The following TPR variants were observed in gnomAD, a reference collection of about 807,000 sequenced individuals.
TPR encodes the protein nucleoprotein TPR.
A neutral mutation model predicts 316.1 loss-of-function variants in TPR; 51 were observed. The ratio of observed to expected loss-of-function variants is 0.16; its 90% CI spans 0.13 to 0.20. The LOEUF (loss-of-function observed/expected upper bound fraction) is 0.20. Ranked by LOEUF, TPR falls within the 10% of genes least tolerant of loss-of-function variation. The pLI, the probability that TPR is intolerant of heterozygous loss-of-function variation, is 1.00. For synonymous variants in TPR, 981 were observed against 914.7 expected, an observed-to-expected ratio of 1.07 and a Z score of -1.31; for missense variants, 2,272 against 2,754.8, an observed-to-expected ratio of 0.82 and a Z score of 3.92.
Position 186,340,955 on chromosome 1 carries a change from T to C in TPR, c.4020+73A>G, listed in dbSNP as rs936553945. The stretch of plus-strand genomic sequence containing the variant: ...ATTTTCACTAGTTCCTCAAATATTT[T>C]TATTCCCCTAAGTTTCCCCTATTAT... On this transcript the variant is annotated intron_variant, in intron 29 of 50. Transcript: ENST00000367478. The C allele has an allele frequency of 8.5e-5, 131 of 1,542,386 alleles. No individual in the cohort carries two copies. In the African/African-American group the frequency reaches 1.6e-3, roughly 19 times the overall value.
rs866336334 is a variant in TPR at position 186,327,236 on chromosome 1, T to A, written c.5889+224A>T. The stretch of plus-strand genomic sequence containing the variant: ...ATATATATAAATATATAATATATAT[T>A]TATATATATAATATATATAAATATA... On this transcript the variant is annotated intron_variant, in intron 40 of 50. Coordinates refer to ENST00000367478, the MANE Select transcript of TPR (RefSeq NM_003292.3). 5.8e-4 allele frequency among the ~76,000 whole-genome samples: 3 copies of A among 5,214 alleles called. 1 individual carries two copies. Among genetic ancestry groups the A allele is most frequent in the African/African-American group, 1.1e-3 (1 of 944 alleles). 3.4% of individuals were successfully genotyped at this position (5,214 alleles called of 152,430 possible). A position where few individuals can be genotyped will look rare whatever the true frequency, so the allele number is the denominator to read the frequency against.
At position 186,312,727 on chromosome 1, in the gene TPR, G is replaced by A. The variant is rs1249973325; in HGVS notation, c.*1244C>T. ...CTGGCTCTTTCCAAGATAGTACATT[G>A]CCTTTTAATCTGGTATCTTTTATTA... On this transcript the variant is annotated 3_prime_UTR_variant, in exon 51 of 51. Transcript: ENST00000367478. 5 of 1,598,782 alleles carry A rather than the reference G, an allele frequency of 3.1e-6. No homozygotes were observed. The East Asian group carries it at 6.7e-5, about 21-fold the overall frequency.
chr1:186,316,713 T>C (rs1039558537), intron 49 of TPR, among the ~76,000 whole-genome samples: 1 of 152,172 alleles, frequency 6.6e-6, no homozygotes, highest in African/African-American at 2.4e-5. Context: ...TATTAGCTAT[T>C]TGACTTTGAA....
At chr1:186,323,948 T>C (rs1657842656) in intron 42 of TPR, 78 bp from the exon 43 acceptor site, 6 of 1,394,726 alleles carry the variant, frequency 4.3e-6, no homozygotes, top group Non-Finnish European at 4.8e-6. Context: ...GAAGTATAAA[T>C]CTTGCCAACA....
chr1:186,361,173 C>A (rs757829880), intron 9 of TPR, among the ~76,000 whole-genome samples: 3 of 151,674 alleles, frequency 2.0e-5, no homozygotes, highest in Non-Finnish European at 4.4e-5. Context: ...TCTTTGATTT[C>A]GATTTTGATC....
chr1:186,327,673 A>T lies in TPR; in HGVS notation c.5689-13T>A, dbSNP rs753605759. 3.7e-6 allele frequency: 6 copies of T among 1,608,724 alleles called. No individual in the cohort carries two copies. In the East Asian group the frequency reaches 1.3e-4, roughly 36 times the overall value. ...CCTGGGTAACTCCCTTTAAAAATAAAAAAGTTAAAAAAGAATTAAGAGCCC... is the reference window on the plus strand; with the variant it reads ...CCTGGGTAACTCCCTTTAAAAATAATAAAGTTAAAAAAGAATTAAGAGCCC... On this transcript the variant is annotated splice_polypyrimidine_tract_variant and intron_variant, in intron 39 of 50. Transcript: ENST00000367478.
At position 186,341,286 on chromosome 1, in the gene TPR, C is replaced by A; in HGVS notation, c.3854G>T (p.Arg1285Ile). The part of the protein sequence containing the change: ...TNKMLREEKE[R>I]LEQDLQQMQA... ...CATTTGCTGTAGATCCTGTTCTAGT[C>A]TCTCCTTCTCTTCTCTTAGCATTTT... The change falls in exon 28 of 51, where the codon AGA (arginine) becomes ATA (isoleucine). Residue 1285 changes from arginine to isoleucine, a missense_variant. By Grantham distance (97) the Arg-to-Ile change is moderately conservative. This residue lies in a region of TPR where 757 missense variants were observed against 859.8 expected (regional missense o/e 0.88). Coordinates refer to ENST00000367478, the MANE Select transcript of TPR (RefSeq NM_003292.3). The A allele has an allele frequency of 6.2e-7, 1 of 1,613,780 alleles. No individual in the cohort carries two copies. The highest frequency in any genetic ancestry group is 1.3e-5 in the African/African-American group (1 of 75,036).
Position 186,318,567 on chromosome 1 carries a change from G to A in TPR, c.6701C>T (p.Ser2234Leu), listed in dbSNP as rs538723917. Reference sequence around the variant, plus strand: ...TGGAACAGATTGAGAGGCATGTTCCGAAGCATCAGAGGTGGTGCTCTCAGT... The same window carrying A: ...TGGAACAGATTGAGAGGCATGTTCCAAAGCATCAGAGGTGGTGCTCTCAGT... ...VFTESTTSDA[S>L]EHASQSVPMV... The change falls in exon 48 of 51, where the codon TCG (serine) becomes TTG (leucine). Residue 2234 changes from serine (S) to leucine (L), a missense_variant. Around this residue, in one of 10 missense-constraint regions of TPR, gnomAD observed 88 missense variants for 176.2 expected, o/e 0.50. Coordinates refer to ENST00000367478, the MANE Select transcript of TPR (RefSeq NM_003292.3). 1.6e-5 allele frequency: 26 copies of A among 1,613,744 alleles called. No individual in the cohort carries two copies. The African/African-American group carries it at 2.1e-4, about 13-fold the overall frequency.
chr1:186,323,994 G>A, intron 42 of TPR, 124 bp from the exon 43 acceptor site: 1 of 980,916 alleles, frequency 1.0e-6, no homozygotes, highest in Non-Finnish European at 1.4e-6. Flanking sequence ...CAGAAGTAAA[G>A]TAGTGAGGTG....
chr1:186,373,609 G>T (rs1448761903), intron 1 of TPR, 146 bp from the exon 2 acceptor site: 2 of 486,804 alleles, frequency 4.1e-6, no homozygotes, highest in East Asian at 6.1e-5. Flanking sequence ...TCTGAGTAAA[G>T]ATAAATAGAC....
chr1:186,339,200 T>C (rs538405658), intron 30 of TPR, among the ~76,000 whole-genome samples: 1 of 152,034 alleles, frequency 6.6e-6, no homozygotes, highest in South Asian at 2.1e-4. Context: ...GAGGCAGAAG[T>C]GGGAGGACAG....
chr1:186,326,686 T>C (rs1657943698), intron 40 of TPR, among the ~76,000 whole-genome samples: 1 of 151,244 alleles, frequency 6.6e-6, no homozygotes, highest in Non-Finnish European at 1.5e-5. Flanking sequence ...ACTTTATATA[T>C]AAAAAAATGA....
chr1:186,352,503 A>C (rs539648281), intron 18 of TPR, among the ~76,000 whole-genome samples: 2 of 152,330 alleles, frequency 1.3e-5, no homozygotes, highest in Non-Finnish European at 2.9e-5. Flanking sequence ...CCTGTTTAAA[A>C]GTGATGATTG....
chr1:186,359,345 G>C (rs1412714539), intron 12 of TPR, among the ~76,000 whole-genome samples: 1 of 151,988 alleles, frequency 6.6e-6, no homozygotes, highest in African/African-American at 2.4e-5. Context: ...AATGCATATA[G>C]AGACACGCCA....
At chr1:186,325,936 A>G in intron 41 of TPR, 82 bp from the exon 42 acceptor site, 1 of 1,564,082 alleles carries the variant, frequency 6.4e-7, no homozygotes, top group Non-Finnish European at 8.7e-7. Context: ...ACCAAACCAA[A>G]CCACAACAAA....
intron 46 of TPR, 141 bp from the exon 47 acceptor site, chr1:186,318,969 A>G: frequency 1.3e-6 from 1 of 797,758 alleles, no homozygotes; most frequent in Non-Finnish European, 1.9e-6. Flanking sequence ...CATCAAGCAA[A>G]AATCCATCTC....
chr1:186,330,033 T>A (rs1473979769), intron 39 of TPR, among the ~76,000 whole-genome samples: 2 of 152,092 alleles, frequency 1.3e-5, no homozygotes, highest in Non-Finnish European at 2.9e-5. Flanking sequence ...AGTTAATAAA[T>A]AAAAATTTCT....
At chr1:186,325,156 T>C (rs1657882965) in intron 42 of TPR, among the ~76,000 whole-genome samples, 1 of 152,168 alleles carries the variant, frequency 6.6e-6, no homozygotes, top group Non-Finnish European at 1.5e-5. Context: ...AAGGTTTTAC[T>C]ATGTCAACAC....
chr1:186,321,031 T>C (rs1220683259), intron 45 of TPR, among the ~76,000 whole-genome samples: 1 of 152,158 alleles, frequency 6.6e-6, no homozygotes, highest in Non-Finnish European at 1.5e-5. Flanking sequence ...TTAGGAAACA[T>C]GGAGTTCAGG....
Sources: gnomAD v4.1 joint callset for allele counts (sites outside exome capture counted in the v4.1 genomes callset) on GRCh38, gnomAD v4.1.1 for gene constraint, gnomAD v4.1.1 regional missense constraint, MANE v1.5 for transcripts, NCBI Gene and HGNC (gene_info 2026-07-23, HGNC 2026-07-21) for gene names.